Variants in STK11 observed in about 807,000 individuals in gnomAD.
The protein encoded by STK11 is serine/threonine kinase 11.
In STK11, 8 loss-of-function variants were observed where a neutral mutation model predicts 47.3. That is an observed-to-expected ratio of 0.17 (90% CI 0.10 to 0.31). The LOEUF (loss-of-function observed/expected upper bound fraction) is 0.31. Among genes scored for constraint, STK11 ranks in the 10% least tolerant of loss-of-function variants. The pLI is 1.00. For missense variants in STK11, 475 were observed against 605.0 expected, an observed-to-expected ratio of 0.79 and a Z score of 2.25; for synonymous variants, 330 against 255.8, an observed-to-expected ratio of 1.29 and a Z score of -2.77.
chr19:1,223,827 C>G (rs955957047), intron 8 of STK11: 6 of 1,030,052 alleles, frequency 5.8e-6, no homozygotes, highest in Non-Finnish European at 5.8e-6. Flanking sequence ...CCCGGCTTGG[C>G]TGTGTTCGGC....
chr19:1,223,109 G>A lies in STK11; in HGVS notation c.1045G>A (p.Glu349Lys), dbSNP rs553752236. ...CTTGGAGGACCTGCACGGCGCGGAC[G>A]AGGACGAGGACCTCTTCGACATCGA... ...PYLEDLHGADEDEDLFDIEDD... is the reference protein window; with the variant it reads ...PYLEDLHGADKDEDLFDIEDD... The change falls in exon 8 of 10, where the codon GAG becomes AAG. Residue 349 changes from glutamate (E) to lysine (K), a missense_variant. By Grantham distance (56) the Glu-to-Lys change is moderately conservative. Transcript: ENST00000326873. 27 of 1,611,590 alleles carry A rather than the reference G, an allele frequency of 1.7e-5. 1 individual carries two copies. The highest frequency in any genetic ancestry group is 1.5e-4 in the Admixed American group (9 of 59,908).
rs2080669573 is a variant in STK11 at position 1,206,908 on chromosome 19, T to A, written c.-6T>A. 1.3e-6 allele frequency: 2 copies of A among 1,568,936 alleles called. No homozygotes were observed. The highest frequency in any genetic ancestry group is 1.7e-6 in the Non-Finnish European group (2 of 1,157,498). Reference sequence around the variant, plus strand: ...GGCGGCGGGACTCCAGGACCCTGGGTCCAGCATGGAGGTGGTGGACCCGCA... The same window carrying A: ...GGCGGCGGGACTCCAGGACCCTGGGACCAGCATGGAGGTGGTGGACCCGCA... On this transcript the variant is annotated 5_prime_UTR_variant, in exon 1 of 10. Transcript: ENST00000326873.
chr19:1,209,304 C>A (rs973502569), intron 1 of STK11, among the ~76,000 whole-genome samples: 21 of 151,956 alleles, frequency 1.4e-4, no homozygotes, highest in African/African-American at 4.3e-4. Context: ...GCTTAGGGGC[C>A]GGGCGCGGTG....
chr19:1,221,363 C>T lies in STK11; in HGVS notation c.862+23C>T, dbSNP rs200302435. 5.7e-5 allele frequency: 91 copies of T among 1,591,782 alleles called. No homozygotes were observed. The highest frequency in any genetic ancestry group is 7.2e-5 in the Non-Finnish European group (84 of 1,167,072). ...AAGGTGGGAGCCTCATCCCTCTGCCCGCAGCCCCAGGGAGGCGGGGCTTTT... is the reference window on the plus strand; with the variant it reads ...AAGGTGGGAGCCTCATCCCTCTGCCTGCAGCCCCAGGGAGGCGGGGCTTTT... On this transcript the variant is annotated intron_variant, in intron 6 of 9. Transcript: ENST00000326873.
chr19:1,219,515 C>A, intron 3 of STK11, 102 bp downstream of exon 3: 2 of 1,251,038 alleles, frequency 1.6e-6, no homozygotes, highest in Non-Finnish European at 2.2e-6. Context: ...TATTCATTGA[C>A]ATGAAGGCCC....
Position 1,206,619 on chromosome 19 carries a change from C to T in STK11, c.-295C>T. The T allele has an allele frequency of 2.0e-6, 1 of 492,350 alleles. No individual in the cohort carries two copies. The highest frequency in any genetic ancestry group is 3.4e-5 in the East Asian group (1 of 29,118). 30.5% of individuals were successfully genotyped at this position (492,350 alleles called of 1,614,324 possible). A position where few individuals can be genotyped will look rare whatever the true frequency, so the allele number is the denominator to read the frequency against. On this transcript the variant is annotated 5_prime_UTR_variant, in exon 1 of 10. Coordinates refer to ENST00000326873, the MANE Select transcript of STK11 (RefSeq NM_000455.5). Reference sequence around the variant, plus strand: ...GAAGTTGACCCTGACCGGGCCGTCTCCCAGTTCTGAGGCCCGGGTCCCACT... The same window carrying T: ...GAAGTTGACCCTGACCGGGCCGTCTTCCAGTTCTGAGGCCCGGGTCCCACT...
chr19:1,227,341 A>T, intron 9 of STK11: 1 of 211,790 alleles, frequency 4.7e-6, no homozygotes, highest in Non-Finnish European at 9.1e-6. Context: ...CGCCTGAGTT[A>T]CATGTCTGTC....
chr19:1,222,441 T>A (rs951861979), intron 7 of STK11, among the ~76,000 whole-genome samples: 1 of 152,118 alleles, frequency 6.6e-6, no homozygotes, highest in Non-Finnish European at 1.5e-5. Context: ...CCTCCCTCAC[T>A]TCGTGGGCTC....
chr19:1,222,464 C>A (rs922621373), intron 7 of STK11, among the ~76,000 whole-genome samples: 9 of 152,180 alleles, frequency 5.9e-5, no homozygotes, highest in African/African-American at 1.9e-4. Flanking sequence ...CTCCTCTGCA[C>A]CAGCCCCTGG....
intron 1 of STK11, among the ~76,000 whole-genome samples, chr19:1,216,077 A>G (rs548781461): frequency 6.6e-6 from 1 of 152,118 alleles, no homozygotes; most frequent in East Asian, 1.9e-4. Flanking sequence ...CCTGTTAAGA[A>G]TTAAAAAAGA....
chr19:1,228,051 CTTTTT>C lies in STK11; in HGVS notation c.*478_*482del. 1.9e-6 allele frequency: 2 copies of C among 1,052,070 alleles called. No homozygotes were observed. The highest frequency in any genetic ancestry group is 2.3e-6 in the Non-Finnish European group (2 of 870,628). The allele number at this position is 1,052,070 out of a possible 1,614,324, so 65.2% of individuals were successfully genotyped here. A position where few individuals can be genotyped will look rare whatever the true frequency, so the allele number is the denominator to read the frequency against. ...TTTTTTGTTTGGTTGGTTCCATTTT[CTTTTT>C]TTCTTTTTTTTTTTAAGAAAAAATA... On this transcript the variant is annotated 3_prime_UTR_variant, in exon 10 of 10. Transcript: ENST00000326873.
chr19:1,211,764 C>T (rs950178909), intron 1 of STK11, among the ~76,000 whole-genome samples: 1 of 152,256 alleles, frequency 6.6e-6, no homozygotes, highest in Non-Finnish European at 1.5e-5. Flanking sequence ...ACCGCCCCCG[C>T]GGTGTCCAGC....
chr19:1,226,870 A>C, intron 9 of STK11: 1 of 602,366 alleles, frequency 1.7e-6, no homozygotes, highest in South Asian at 2.4e-5. Flanking sequence ...CGTGCTGGTC[A>C]TGGAGGCCTA....
Position 1,206,665 on chromosome 19 carries a change from C to G in STK11, c.-249C>G. On this transcript the variant is annotated 5_prime_UTR_variant, in exon 1 of 10. Transcript: ENST00000326873. ...CCACTGGAACTCGCGTCTGAGCCGC[C>G]GTCCCGGACCCCCGGTGCCCGCCGG... is the stretch of plus-strand genomic sequence containing the variant. 2 of 544,110 alleles carry G rather than the reference C, an allele frequency of 3.7e-6. No individual in the cohort carries two copies. Among genetic ancestry groups the G allele is most frequent in the Admixed American group, 3.5e-5 (1 of 28,412 alleles). The allele number at this position is 544,110 out of a possible 1,614,324, so 33.7% of individuals were successfully genotyped here.
At chr19:1,216,834 C>CA (rs71335349) in intron 1 of STK11, among the ~76,000 whole-genome samples, 37,830 of 114,188 alleles carry the variant, frequency 0.33, 5,902 homozygotes, top group East Asian at 0.47. Flanking sequence ...AACCCTGTCT[C>CA]AAAAAAAAAA....
intron 1 of STK11, among the ~76,000 whole-genome samples, chr19:1,211,017 C>G: frequency 6.6e-6 from 1 of 152,170 alleles, no homozygotes; most frequent in East Asian, 1.9e-4. Flanking sequence ...AAAAACTAGC[C>G]AGGTGTGGTG....
chr19:1,218,315 G>A, intron 1 of STK11, 102 bp from the exon 2 acceptor site: 4 of 930,344 alleles, frequency 4.3e-6, no homozygotes, highest in Non-Finnish European at 7.0e-6. Context: ...GAAGGGAGGA[G>A]GTACGCCACT....
At chr19:1,217,618 G>A (rs1253674764) in intron 1 of STK11, among the ~76,000 whole-genome samples, 1 of 152,174 alleles carries the variant, frequency 6.6e-6, no homozygotes, top group Non-Finnish European at 1.5e-5. Context: ...GGGTGTGGCA[G>A]GACCCCACAA....
At chr19:1,221,508 C>T in intron 6 of STK11, 168 bp downstream of exon 6, 2 of 1,067,260 alleles carry the variant, frequency 1.9e-6, no homozygotes, top group South Asian at 3.4e-5. Context: ...TTGCCAGGTC[C>T]CTCAGCTCCA....
Sources: allele counts gnomAD v4.1 joint callset (sites outside exome capture counted in the v4.1 genomes callset), GRCh38; gene constraint gnomAD v4.1.1; transcripts MANE v1.5; gene names NCBI Gene and HGNC (gene_info 2026-07-23, HGNC 2026-07-21).